GTPBP1: variants seen among roughly 807,000 people sequenced by gnomAD.
GTPBP1 encodes the protein GTP-binding protein 1.
GTPBP1 carries 23 observed loss-of-function variants against 62.0 expected under a neutral mutation model. The ratio of observed to expected loss-of-function variants is 0.37; its 90% confidence interval spans 0.27 to 0.53. The LOEUF (loss-of-function observed/expected upper bound fraction) is 0.53. GTPBP1 is among the 20% of genes least tolerant of loss of function. The pLI, the probability that GTPBP1 is intolerant of heterozygous loss-of-function variation, is 0.89. For synonymous variants in GTPBP1, 344 were observed against 364.4 expected (o/e 0.94, Z 0.64); for missense variants, 640 against 917.3 (o/e 0.70, Z 3.90).
chr22:38,740,974 A>G, downstream of GTPBP1: 1 of 1,574,414 alleles, frequency 6.4e-7, no homozygotes, highest in Non-Finnish European at 8.6e-7. This position sits in a 1 kb window ranked among gnomAD's most constrained non-coding sequence, Gnocchi z 4.8. Context: ...GCTGGGGAGG[A>G]GCAGGCCGAG....
In GTPBP1 at chr22:38,708,891, G is replaced by A. The variant is rs199584543; in HGVS notation, c.239G>A (p.Arg80Gln). 1.6e-5 allele frequency: 26 copies of A among 1,612,522 alleles called. No homozygotes were observed. Among genetic ancestry groups the A allele is most frequent in the East Asian group, 1.1e-4 (5 of 44,876 alleles). The change falls in exon 2 of 12, where the codon CGG (arginine) becomes CAG (glutamine). Residue 80 changes from arginine to glutamine, a missense_variant. Arg to Gln is a conservative substitution (Grantham distance 43). Transcript: ENST00000216044. Reference sequence around the variant, plus strand: ...TCAGAGCAGTATGACAGCCTACTTCGGCAGATGTGGGAGAGGATGGACGAG... The same window carrying A: ...TCAGAGCAGTATGACAGCCTACTTCAGCAGATGTGGGAGAGGATGGACGAG... ...PTSEQYDSLL[R>Q]QMWERMDEGC...
At chr22:38,734,933 GC>G (rs2092788693), downstream of GTPBP1, 1 of 276,708 alleles carries the variant, frequency 3.6e-6, no homozygotes, top group South Asian at 3.2e-5. Context: ...TGCAGTGAAG[GC>G]CTGCCCGCCT....
downstream of GTPBP1, chr22:38,740,075 C>T (rs991792495): frequency 8.0e-7 from 1 of 1,244,116 alleles, no homozygotes; most frequent in Non-Finnish European, 1.1e-6. This position sits in a 1 kb window ranked among gnomAD's most constrained non-coding sequence, Gnocchi z 4.8. Flanking sequence ...GAGTTATGAA[C>T]ACTCCATGGG....
chr22:38,727,461 T>C lies in GTPBP1; in HGVS notation c.1537+113T>C. On this transcript the variant is annotated intron_variant, in intron 9 of 11. Transcript: ENST00000216044. This position sits in a 1 kb window ranked among gnomAD's most constrained non-coding sequence, Gnocchi z 6.5. The stretch of plus-strand genomic sequence containing the variant: ...AGCTGCAGCTGGGTGGTAGGCCTCC[T>C]TCCTGTTTAGTGATGCCGTTCCTTC... 1 of 1,037,638 alleles carries C rather than the reference T, an allele frequency of 9.6e-7. No individual in the cohort carries two copies. The highest frequency in any genetic ancestry group is 1.8e-5 in the South Asian group (1 of 56,966). The allele number at this position is 1,037,638 out of a possible 1,614,324, so 64.3% of individuals were successfully genotyped here. A position where few individuals can be genotyped will look rare whatever the true frequency, so the allele number is the denominator to read the frequency against.
chr22:38,737,453 C>T (rs1485976956), downstream of GTPBP1, among the ~76,000 whole-genome samples: 1 of 152,190 alleles, frequency 6.6e-6, no homozygotes, highest in Non-Finnish European at 1.5e-5. The surrounding 1 kb of genome is among the most constrained non-coding windows in gnomAD (Gnocchi z 4.1). Flanking sequence ...TGACGGGTCT[C>T]CCAGGCCCAG....
intron 6 of GTPBP1, 135 bp from the exon 7 acceptor site, chr22:38,725,871 G>A (rs1341390575): frequency 8.7e-6 from 7 of 803,178 alleles, no homozygotes; most frequent in Non-Finnish European, 1.5e-5. Flanking sequence ...TTGGAGGCAG[G>A]TGAGGGAGAG....
Position 38,728,069 on chromosome 22 carries a change from T to A in GTPBP1, c.1624T>A (p.Phe542Ile). ...LRTGDKATVH[F>I]RFIKTPEYLH... ...CACTGGGGACAAGGCCACTGTACAC[T>A]TCCGCTTCATCAAGACCCCTGAGTA... Residue 542 changes from phenylalanine (F) to isoleucine (I), a missense_variant, in exon 10 of 12, where the codon TTC becomes ATC. Around this residue, in one of 4 missense-constraint regions of GTPBP1, gnomAD observed 220 missense variants for 358.1 expected, o/e 0.61. Transcript: ENST00000216044. The A allele has an allele frequency of 6.2e-7, 1 of 1,613,148 alleles. No individual in the cohort carries two copies. The highest frequency in any genetic ancestry group is 8.5e-7 in the Non-Finnish European group (1 of 1,179,104).
chr22:38,728,763 C>T (rs538989598), intron 10 of GTPBP1: 1 of 154,758 alleles, frequency 6.5e-6, no homozygotes, highest in East Asian at 1.9e-4. Context: ...TACAGATGTC[C>T]TTGAAGGCCT....
chr22:38,739,594 C>A, downstream of GTPBP1: 1 of 1,312,132 alleles, frequency 7.6e-7, no homozygotes, highest in Non-Finnish European at 1.1e-6. This position sits in a 1 kb window ranked among gnomAD's most constrained non-coding sequence, Gnocchi z 6.7. Context: ...AGCCCCACAG[C>A]ATGCAAAGCC....
At chr22:38,725,256 T>G (rs2092721204) in intron 6 of GTPBP1, 1 of 152,330 alleles carries the variant, frequency 6.6e-6, no homozygotes. Flanking sequence ...TAATTCGTGA[T>G]CTCAAGGATT....
Position 38,726,069 on chromosome 22 carries a change from C to T in GTPBP1, c.1137C>T (p.Phe379=). ...AGAACCTAGATCTGCTGAAGATGTT[C>T]CTCAACCTCCTCTCCCCCCGCACCA... ...TGENLDLLKM[F]LNLLSPRTSY... The change falls in exon 7 of 12, where the codon TTC becomes TTT. Residue 379 remains phenylalanine, a synonymous_variant. Coordinates refer to ENST00000216044, the MANE Select transcript of GTPBP1 (RefSeq NM_004286.5). The surrounding 1 kb of genome is among the most constrained non-coding windows in gnomAD (Gnocchi z 4.1). 1 of 1,613,956 alleles carries T rather than the reference C, an allele frequency of 6.2e-7. No homozygotes were observed. The highest frequency in any genetic ancestry group is 8.5e-7 in the Non-Finnish European group (1 of 1,179,856).
At chr22:38,742,819 GA>G, downstream of GTPBP1, 1 of 446,256 alleles carries the variant, frequency 2.2e-6, no homozygotes, top group Non-Finnish European at 4.0e-6. Context: ...CCCAGAGGAG[GA>G]AGGAAGGTGG....
downstream of GTPBP1, chr22:38,738,456 C>T: frequency 4.6e-6 from 6 of 1,309,802 alleles, no homozygotes; most frequent in South Asian, 8.1e-5. The surrounding 1 kb of genome is among the most constrained non-coding windows in gnomAD (Gnocchi z 6.6). Context: ...TGTCTCCCAC[C>T]CTAGCTCCTC....
rs555021011 is a variant in GTPBP1 at position 38,722,472 on chromosome 22, C to T, written c.958+607C>T. Reference sequence around the variant, plus strand: ...GTAAGGCTAAGACAGAAGAGTGTTTCTACTGAAGATGTGATCTAAGAATTG... The same window carrying T: ...GTAAGGCTAAGACAGAAGAGTGTTTTTACTGAAGATGTGATCTAAGAATTG... On this transcript the variant is annotated intron_variant, in intron 5 of 11. Coordinates refer to ENST00000216044, the MANE Select transcript of GTPBP1 (RefSeq NM_004286.5). 2.3e-4 allele frequency among the ~76,000 whole-genome samples: 35 copies of T among 152,310 alleles called. 1 individual carries two copies. Among genetic ancestry groups the T allele is most frequent in the Middle Eastern group, 6.8e-3 (2 of 294 alleles).
At chr22:38,714,587 C>T (rs1191260478) in intron 2 of GTPBP1, among the ~76,000 whole-genome samples, 3 of 151,440 alleles carry the variant, frequency 2.0e-5, no homozygotes, top group African/African-American at 7.3e-5. Flanking sequence ...AGTCAACACG[C>T]GTTGATGACT....
intron 1 of GTPBP1, among the ~76,000 whole-genome samples, chr22:38,708,151 C>T (rs1272778908): frequency 6.6e-6 from 1 of 152,216 alleles, no homozygotes; most frequent in Non-Finnish European, 1.5e-5. Flanking sequence ...AACTGAAACT[C>T]AGAGTGGTTA....
At chr22:38,724,840 A>G (rs1292630485) in intron 6 of GTPBP1, among the ~76,000 whole-genome samples, 1 of 152,194 alleles carries the variant, frequency 6.6e-6, no homozygotes, top group East Asian at 1.9e-4. Flanking sequence ...GTTGTTCCTC[A>G]AAAGCTCACT....
rs761496907 is a variant in GTPBP1, at chr22:38,716,221, G to A, written c.485+134G>A. The A allele has an allele frequency of 3.3e-5, 24 of 729,770 alleles. No homozygotes were observed. The highest frequency in any genetic ancestry group is 8.2e-5 in the East Asian group (3 of 36,626). The allele number at this position is 729,770 out of a possible 1,614,324, so 45.2% of individuals were successfully genotyped here. On this transcript the variant is annotated intron_variant, in intron 3 of 11. Coordinates refer to ENST00000216044, the MANE Select transcript of GTPBP1 (RefSeq NM_004286.5). This position sits in a 1 kb window ranked among gnomAD's most constrained non-coding sequence, Gnocchi z 5.2. ...AAAGAGTGTCCAGGTGTCTGGAGAC[G>A]TGGGCTCCTTGCTCTAATTCTGCAC... is the stretch of plus-strand genomic sequence containing the variant.
chr22:38,722,995 C>T (rs566926075), intron 5 of GTPBP1: 143 of 834,316 alleles, frequency 1.7e-4, no homozygotes, highest in South Asian at 1.1e-3. Context: ...AACAGCACAC[C>T]GTAGTCTCAG....
Sources: gnomAD v4.1 joint callset for allele counts (sites outside exome capture counted in the v4.1 genomes callset) on GRCh38, gnomAD v4.1.1 for gene constraint, gnomAD v4.1.1 regional missense constraint, Gnocchi (gnomAD v3.1) non-coding constraint, MANE v1.5 for transcripts, NCBI Gene and HGNC (gene_info 2026-07-23, HGNC 2026-07-21) for gene names.